The following ANGPT1 variants were observed in gnomAD, a reference collection of about 807,000 sequenced individuals.
ANGPT1 encodes angiopoietin 1.
In ANGPT1, 17 loss-of-function variants were observed where a neutral mutation model predicts 62.2. That is an observed-to-expected ratio of 0.27 (90% CI 0.19 to 0.41). The LOEUF is 0.41. Among genes scored for constraint, ANGPT1 ranks in the 10% least tolerant of loss-of-function variants. ANGPT1 has a pLI of 1.00. For synonymous variants in ANGPT1, 199 were observed against 198.9 expected (o/e 1.00, Z 0.00); for missense variants, 478 against 594.9 (o/e 0.80, Z 2.04).
At chr8:107,352,805 A>G (rs1267697508) in intron 1 of ANGPT1, among the ~76,000 whole-genome samples, 1 of 152,202 alleles carries the variant, frequency 6.6e-6, no homozygotes, top group Non-Finnish European at 1.5e-5. Flanking sequence ...GTTATGACAA[A>G]ACAACCATGA....
intron 7 of ANGPT1, among the ~76,000 whole-genome samples, chr8:107,269,186 T>A (rs1661099950): frequency 6.6e-6 from 1 of 152,064 alleles, no homozygotes; most frequent in Admixed American, 6.6e-5. Flanking sequence ...CATTCTTTCT[T>A]AGCAGCTCTT....
chr8:107,465,320 A>G (rs2130485347), intron 1 of ANGPT1, among the ~76,000 whole-genome samples: 1 of 152,268 alleles, frequency 6.6e-6, no homozygotes, highest in Admixed American at 6.5e-5. Context: ...TTAGTAAGAA[A>G]TGTTAGGGAT....
chr8:107,442,346 TG>T (rs1811503005), intron 1 of ANGPT1, among the ~76,000 whole-genome samples: 1 of 152,156 alleles, frequency 6.6e-6, no homozygotes, highest in Non-Finnish European at 1.5e-5. Context: ...TACAAACTAG[TG>T]TAGGTCATGT....
chr8:107,472,012 C>G (rs1333515473), intron 1 of ANGPT1, among the ~76,000 whole-genome samples: 1 of 152,006 alleles, frequency 6.6e-6, no homozygotes. Context: ...TCTCTTTAGG[C>G]TCCTCTTGCT....
chr8:107,280,301 A>C (rs542923430), intron 7 of ANGPT1, among the ~76,000 whole-genome samples: 1 of 152,020 alleles, frequency 6.6e-6, no homozygotes, highest in African/African-American at 2.4e-5. Flanking sequence ...CCGGGGTTCA[A>C]GTGATTCTCT....
At chr8:107,252,324 A>G (rs1242000030) in intron 8 of ANGPT1, among the ~76,000 whole-genome samples, 1 of 152,210 alleles carries the variant, frequency 6.6e-6, no homozygotes, top group East Asian at 1.9e-4. Context: ...TACAATCTAC[A>G]TAAGAGATGG....
chr8:107,423,155 T>G (rs904642804), intron 1 of ANGPT1, among the ~76,000 whole-genome samples: 1 of 152,200 alleles, frequency 6.6e-6, no homozygotes, highest in African/African-American at 2.4e-5. Flanking sequence ...TTGGCCATGG[T>G]AGGAGTATTT....
chr8:107,324,248 C>T (rs1440120212), intron 3 of ANGPT1, among the ~76,000 whole-genome samples: 1 of 150,150 alleles, frequency 6.7e-6, no homozygotes, highest in Non-Finnish European at 1.5e-5. Context: ...AAGTCCCAAC[C>T]TCCAGGAAGT....
intron 1 of ANGPT1, among the ~76,000 whole-genome samples, chr8:107,375,201 A>C (rs1816505993): frequency 6.6e-6 from 1 of 152,130 alleles, no homozygotes; most frequent in Admixed American, 6.5e-5. Flanking sequence ...CTATCAGGAT[A>C]AATCTAATTA....
chr8:107,457,995 A>G (rs954681678), intron 1 of ANGPT1, among the ~76,000 whole-genome samples: 1 of 152,000 alleles, frequency 6.6e-6, no homozygotes, highest in African/African-American at 2.4e-5. Context: ...AAATATTATG[A>G]TCATATTGAG....
chr8:107,491,926 G>A (rs1240768292), intron 1 of ANGPT1, among the ~76,000 whole-genome samples: 1 of 152,122 alleles, frequency 6.6e-6, no homozygotes, highest in Non-Finnish European at 1.5e-5. Flanking sequence ...AACTGTAATT[G>A]CCCATAGAAA....
intron 1 of ANGPT1, among the ~76,000 whole-genome samples, chr8:107,364,040 A>T (rs1173002162): frequency 6.6e-6 from 1 of 152,128 alleles, no homozygotes; most frequent in African/African-American, 2.4e-5. Flanking sequence ...ACATCTATAT[A>T]CTACAGGCTG....
At chr8:107,440,889 T>C (rs1363200002) in intron 1 of ANGPT1, among the ~76,000 whole-genome samples, 1 of 152,212 alleles carries the variant, frequency 6.6e-6, no homozygotes, top group Non-Finnish European at 1.5e-5. Flanking sequence ...ACTTAAAATG[T>C]CTAATGTGGA....
chr8:107,360,990 T>C (rs1816149771), intron 1 of ANGPT1, among the ~76,000 whole-genome samples: 1 of 152,214 alleles, frequency 6.6e-6, no homozygotes, highest in South Asian at 2.1e-4. Flanking sequence ...ATTAATTATC[T>C]TTGCTGAAAA....
intron 1 of ANGPT1, among the ~76,000 whole-genome samples, chr8:107,455,664 C>T (rs971526157): frequency 6.6e-6 from 1 of 151,992 alleles, no homozygotes; most frequent in African/African-American, 2.4e-5. Flanking sequence ...TATAGTAATT[C>T]CTGCCCTCTA....
At chr8:107,266,434 G>C (rs1813616016) in intron 7 of ANGPT1, among the ~76,000 whole-genome samples, 1 of 152,200 alleles carries the variant, frequency 6.6e-6, no homozygotes, top group South Asian at 2.1e-4. Flanking sequence ...TTCTTAGAGA[G>C]AATTTCACAC....
Position 107,303,371 on chromosome 8 carries a change from C to CAAAAAAAAA in ANGPT1, c.809-13_809-5dup, listed in dbSNP as rs149628829. 1 of 1,219,544 alleles carries CAAAAAAAAA rather than the reference C, an allele frequency of 8.2e-7. No individual in the cohort carries two copies. The allele number at this position is 1,219,544 out of a possible 1,614,324, so 75.5% of individuals were successfully genotyped here. A position where few individuals can be genotyped will look rare whatever the true frequency, so the allele number is the denominator to read the frequency against. ...CTTTTTCCTCCCTTTAGTAAAACTG[C>CAAAAAAAAA]AAAAAAAAAAAAAAAGATTGCAATA... On this transcript the variant is annotated splice_region_variant and splice_polypyrimidine_tract_variant and intron_variant, in intron 4 of 8. Transcript: ENST00000517746.
intron 1 of ANGPT1, among the ~76,000 whole-genome samples, chr8:107,420,731 A>T (rs1255030600): frequency 6.6e-6 from 1 of 152,298 alleles, no homozygotes; most frequent in East Asian, 1.9e-4. Context: ...GAATCACAAG[A>T]TATTGAGTTT....
intron 1 of ANGPT1, among the ~76,000 whole-genome samples, chr8:107,447,474 C>G (rs2130445994): frequency 6.6e-6 from 1 of 152,292 alleles, no homozygotes; most frequent in South Asian, 2.1e-4. Flanking sequence ...TTTCTTTGGC[C>G]AGTGGAATGG....
Sources: gnomAD v4.1 joint callset for allele counts (sites outside exome capture counted in the v4.1 genomes callset) on GRCh38, gnomAD v4.1.1 for gene constraint, MANE v1.5 for transcripts, NCBI Gene and HGNC (gene_info 2026-07-23, HGNC 2026-07-21) for gene names.